Variants in PCDHA9 observed in about 807,000 individuals in gnomAD.
The protein encoded by PCDHA9 is protocadherin alpha 9.
In PCDHA9, 62 loss-of-function variants were observed where a neutral mutation model predicts 62.0. The observed-to-expected ratio is 1.00, with a 90% CI of 0.81 to 1.23. The LOEUF (loss-of-function observed/expected upper bound fraction) is 1.23, where lower values mean the gene tolerates loss of function less well. Among genes scored for constraint, PCDHA9 ranks in the 50% most tolerant of loss-of-function variants. The pLI, the probability that PCDHA9 is intolerant of heterozygous loss-of-function variation, is 0.00. For missense variants in PCDHA9, 1,205 were observed against 1,249.8 expected, an observed-to-expected ratio of 0.96 and a Z score of 0.54; for synonymous variants, 557 against 567.6, an observed-to-expected ratio of 0.98 and a Z score of 0.27.
At chr5:140,982,713 A>G (rs2096998735) in intron 3 of PCDHA9, 150 bp downstream of exon 3, 2 of 1,373,774 alleles carry the variant, frequency 1.5e-6, no homozygotes, top group African/African-American at 1.5e-5. Flanking sequence ...CCTTACATAT[A>G]TGATTATTTT....
intron 1 of PCDHA9, among the ~76,000 whole-genome samples, chr5:140,905,962 G>A (rs2072248192): frequency 6.6e-6 from 1 of 152,198 alleles, no homozygotes; most frequent in Non-Finnish European, 1.5e-5. Flanking sequence ...TTCAAGGGGA[G>A]GAAGATCCAG....
intron 1 of PCDHA9, among the ~76,000 whole-genome samples, chr5:140,969,883 A>G (rs1161815776): frequency 6.6e-6 from 1 of 152,204 alleles, no homozygotes; most frequent in African/African-American, 2.4e-5. Flanking sequence ...ATGTGATAGG[A>G]TCCTCTGGAA....
chr5:140,962,127 G>A (rs1198076557), intron 1 of PCDHA9, among the ~76,000 whole-genome samples: 1 of 151,934 alleles, frequency 6.6e-6, no homozygotes, highest in East Asian at 1.9e-4. Flanking sequence ...CCTTGGCCTC[G>A]GCCTCCCAAA....
intron 1 of PCDHA9, chr5:140,851,511 T>C (rs2042080638): frequency 2.8e-5 from 25 of 901,700 alleles, no homozygotes; most frequent in Non-Finnish European, 3.2e-5. Flanking sequence ...ATATAAAATA[T>C]GTTTTAAAAT....
At chr5:140,887,263 A>AT (rs1336620900) in intron 1 of PCDHA9, among the ~76,000 whole-genome samples, 1 of 151,790 alleles carries the variant, frequency 6.6e-6, no homozygotes, top group Non-Finnish European at 1.5e-5. Flanking sequence ...CGCCCTGCTA[A>AT]TTTTTTGTAT....
intron 1 of PCDHA9, chr5:140,877,747 T>C (rs1554170075): frequency 1.2e-6 from 2 of 1,614,172 alleles, no homozygotes; most frequent in Non-Finnish European, 8.5e-7. Context: ...GCAGAGGGTG[T>C]GCTCTGCAGA....
intron 2 of PCDHA9, among the ~76,000 whole-genome samples, chr5:140,980,255 C>T (rs782489996): frequency 2.0e-4 from 31 of 152,210 alleles, no homozygotes; most frequent in Middle Eastern, 3.2e-3. Flanking sequence ...TGGGTAAAAG[C>T]ATGGTTTACA....
intron 1 of PCDHA9, among the ~76,000 whole-genome samples, chr5:140,873,786 G>A (rs1354744282): frequency 3.3e-5 from 5 of 152,056 alleles, no homozygotes; most frequent in Non-Finnish European, 7.4e-5. Flanking sequence ...TCAGCTTTCC[G>A]AGAAGCTGGG....
At chr5:140,903,635 A>T (rs2070455281) in intron 1 of PCDHA9, among the ~76,000 whole-genome samples, 1 of 152,244 alleles carries the variant, frequency 6.6e-6, no homozygotes, top group Non-Finnish European at 1.5e-5. Context: ...ATGTATGCAT[A>T]TACCATATAC....
chr5:140,902,676 C>T (rs781793838), intron 1 of PCDHA9, among the ~76,000 whole-genome samples: 7 of 152,040 alleles, frequency 4.6e-5, no homozygotes, highest in Non-Finnish European at 7.4e-5. Context: ...CAGTGTACAC[C>T]GTACCTAATA....
chr5:140,888,322 C>T (rs983342995), intron 1 of PCDHA9, among the ~76,000 whole-genome samples: 23 of 152,148 alleles, frequency 1.5e-4, no homozygotes, highest in African/African-American at 5.6e-4. Context: ...TGCCTGGATA[C>T]ATTTTTGGTT....
intron 1 of PCDHA9, chr5:140,863,724 G>C (rs1450071694): frequency 3.7e-6 from 1 of 271,826 alleles, no homozygotes; most frequent in African/African-American, 2.2e-5. Context: ...GCCGGGTGCG[G>C]TAGCTCATGC....
intron 1 of PCDHA9, among the ~76,000 whole-genome samples, chr5:140,944,370 A>G (rs1554216325): frequency 6.6e-6 from 1 of 151,966 alleles, no homozygotes; most frequent in Admixed American, 6.6e-5. Flanking sequence ...AATTTTTTAT[A>G]GAGATGGAGT....
At chr5:140,883,682 T>G (rs2059750474) in intron 1 of PCDHA9, 1 of 1,613,604 alleles carries the variant, frequency 6.2e-7, no homozygotes. Context: ...TCCGCCGGGC[T>G]GCCACATCTT....
At chr5:140,915,770 A>G (rs1215607027) in intron 1 of PCDHA9, among the ~76,000 whole-genome samples, 4 of 151,908 alleles carry the variant, frequency 2.6e-5, no homozygotes, top group African/African-American at 4.8e-5. Context: ...GTCTTGTCCA[A>G]GGCCTGCTGT....
At chr5:140,875,685 C>G (rs563250653) in intron 1 of PCDHA9, 1 of 1,613,816 alleles carries the variant, frequency 6.2e-7, no homozygotes. Context: ...CCAAAAGACA[C>G]GGGGACCTTC....
intron 1 of PCDHA9, chr5:140,863,201 C>A: frequency 1.1e-6 from 1 of 925,678 alleles, no homozygotes; most frequent in Admixed American, 1.8e-5. Context: ...GCGTCGCTGG[C>A]GGAGAGCAGC....
intron 1 of PCDHA9, chr5:140,877,824 A>G (rs1554170141): frequency 1.9e-6 from 3 of 1,602,118 alleles, no homozygotes; most frequent in Non-Finnish European, 2.6e-6. Flanking sequence ...AAGATTGTTT[A>G]AATCCTCCCA....
chr5:140,878,257 T>C (rs1266553954), intron 1 of PCDHA9, among the ~76,000 whole-genome samples: 10 of 152,206 alleles, frequency 6.6e-5, no homozygotes, highest in African/African-American at 2.4e-4. Flanking sequence ...CCTCACGTGC[T>C]TAGGCTTTTA....
Sources: gnomAD v4.1 joint callset for allele counts (sites outside exome capture counted in the v4.1 genomes callset) on GRCh38, gnomAD v4.1.1 for gene constraint, MANE v1.5 for transcripts, NCBI Gene and HGNC (gene_info 2026-07-23, HGNC 2026-07-21) for gene names.